ACER1: variants seen among roughly 807,000 people sequenced by gnomAD.
ACER1 encodes the protein alkaline ceramidase 1.
ACER1 carries 28 observed loss-of-function variants against 24.9 expected under a neutral mutation model. The ratio of observed to expected loss-of-function variants is 1.13; its 90% CI spans 0.83 to 1.54. The LOEUF is 1.54. Among genes scored for constraint, ACER1 ranks in the 40% most tolerant of loss-of-function variants. ACER1 has a pLI of 0.00. For synonymous variants in ACER1, 132 were observed against 131.4 expected, an observed-to-expected ratio of 1.00 and a Z score of -0.03; for missense variants, 352 against 349.3, an observed-to-expected ratio of 1.01 and a Z score of -0.06.
chr19:6,324,763 A>G (rs1304778198), intron 1 of ACER1, among the ~76,000 whole-genome samples: 1 of 151,234 alleles, frequency 6.6e-6, no homozygotes, highest in Non-Finnish European at 1.5e-5. Flanking sequence ...ACAAAATAAA[A>G]TAAAGAAAGA....
At chr19:6,334,919 G>A (rs1187260804), upstream of ACER1, among the ~76,000 whole-genome samples, 1 of 149,572 alleles carries the variant, frequency 6.7e-6, no homozygotes, top group East Asian at 1.9e-4. Context: ...AGCTGACCTT[G>A]AACTTTAAGT....
At chr19:6,315,790 C>T (rs1271895916) in intron 1 of ACER1, among the ~76,000 whole-genome samples, 1 of 152,154 alleles carries the variant, frequency 6.6e-6, no homozygotes, top group Non-Finnish European at 1.5e-5. Context: ...GCTGGGATTA[C>T]AGGCATGAGC....
intron 3 of ACER1, among the ~76,000 whole-genome samples, chr19:6,311,347 C>G (rs1448866167): frequency 1.3e-5 from 2 of 151,916 alleles, no homozygotes; most frequent in East Asian, 3.9e-4. Context: ...AGATCGAGAC[C>G]AGCCTGGCCA....
rs531659665 is a variant in ACER1 at position 6,321,643 on chromosome 19, CTG to C, written c.94-9146_94-9145del. 9.2e-3 allele frequency among the ~76,000 whole-genome samples: 1,399 copies of C among 152,094 alleles called. 8 individuals carry two copies. The highest frequency in any genetic ancestry group is 0.017 in the Middle Eastern group (5 of 294). On this transcript the variant is annotated intron_variant, in intron 1 of 5. Transcript: ENST00000301452. ...GTTTTGTTTGAGACAGAGTCTCACTCTGTTGCCCAGGCTGGGGTTCAGTGCGC... is the reference window on the plus strand; with the variant it reads ...GTTTTGTTTGAGACAGAGTCTCACTCTTGCCCAGGCTGGGGTTCAGTGCGC...
intron 1 of ACER1, among the ~76,000 whole-genome samples, chr19:6,322,290 G>A (rs1258645395): frequency 6.6e-6 from 1 of 152,222 alleles, no homozygotes; most frequent in African/African-American, 2.4e-5. Context: ...ACCCAGGTGC[G>A]TGGGGCTGAA....
chr19:6,359,832 TC>T, the ACER1 span, among the ~76,000 whole-genome samples: 1 of 152,090 alleles, frequency 6.6e-6, no homozygotes, highest in African/African-American at 2.4e-5. Context: ...GTTATCATTA[TC>T]CCCACTCTGC....
Position 6,312,246 on chromosome 19 carries a change from G to C in ACER1, c.253C>G (p.Gln85Glu). The change falls in exon 3 of 6, where the codon CAG (glutamine) becomes GAG (glutamate). Residue 85 changes from glutamine to glutamate, a missense_variant. Transcript: ENST00000301452. ...AGGATGGCGATCTCGTCCAGCAGCT[G>C]GCCCAGGAAGCTGAGCGTCATGTGG... ...YFHMTLSFLG[Q>E]LLDEIAILWL... 2 of 1,614,030 alleles carry C rather than the reference G, an allele frequency of 1.2e-6. No individual in the cohort carries two copies. Among genetic ancestry groups the C allele is most frequent in the East Asian group, 2.2e-5 (1 of 44,884 alleles).
the ACER1 span, among the ~76,000 whole-genome samples, chr19:6,355,404 A>ATCG: frequency 1.8e-4 from 18 of 100,160 alleles, no homozygotes; most frequent in East Asian, 1.2e-3. Flanking sequence ...CCGCGACCCC[A>ATCG]TCTGGGAGGT....
upstream of ACER1, chr19:6,333,688 G>A: frequency 1.5e-6 from 1 of 659,144 alleles, no homozygotes; most frequent in Non-Finnish European, 2.5e-6. Flanking sequence ...AACCTGCTGG[G>A]CCGCTCCCCA....
At chr19:6,348,556 G>GA in the ACER1 span, among the ~76,000 whole-genome samples, 6 of 151,808 alleles carry the variant, frequency 4.0e-5, no homozygotes, top group African/African-American at 1.5e-4. Flanking sequence ...TGATGAGAGG[G>GA]AAAAAATCTT....
chr19:6,320,478 A>G (rs1051843144), intron 1 of ACER1, among the ~76,000 whole-genome samples: 4 of 151,798 alleles, frequency 2.6e-5, no homozygotes, highest in African/African-American at 7.3e-5. Flanking sequence ...ACACCTGGCT[A>G]ATTTTTGTAT....
intron 1 of ACER1, among the ~76,000 whole-genome samples, chr19:6,325,515 A>G (rs2091656721): frequency 6.6e-6 from 1 of 152,146 alleles, no homozygotes; most frequent in Non-Finnish European, 1.5e-5. Flanking sequence ...TTAGCCAGCC[A>G]TGGTGGCAGG....
chr19:6,322,750 G>A lies in ACER1; in HGVS notation c.94-10251C>T, dbSNP rs564811430. ...ACAATTCCCGTGTGATTGAATTATC[G>A]GGGTGGGTCTGTCCTGCTCTGTTCT... is the stretch of plus-strand genomic sequence containing the variant. On this transcript the variant is annotated intron_variant, in intron 1 of 5. Coordinates refer to ENST00000301452, the MANE Select transcript of ACER1 (RefSeq NM_133492.3). Among the ~76,000 whole-genome samples the A allele has an allele frequency of 1.6e-4, 24 of 152,218 alleles. No homozygotes were observed. The South Asian group carries it at 1.9e-3, about 12-fold the overall frequency.
intron 1 of ACER1, among the ~76,000 whole-genome samples, chr19:6,321,710 C>T (rs2091632163): frequency 6.6e-6 from 1 of 151,878 alleles, no homozygotes; most frequent in Admixed American, 6.6e-5. Context: ...TGGGTTCAAG[C>T]GATTCTTCTG....
At chr19:6,350,568 C>T in the ACER1 span, among the ~76,000 whole-genome samples, 1 of 86,996 alleles carries the variant, frequency 1.1e-5, no homozygotes, top group South Asian at 4.1e-4. Context: ...AAGACTCCGT[C>T]TCAAGAAAAA....
intron 4 of ACER1, 21 bp downstream of exon 4, chr19:6,309,676 G>A (rs28666483): frequency 0.087 from 139,901 of 1,613,122 alleles, 6,353 homozygotes; most frequent in African/African-American, 0.11. Context: ...TCCTGCCCAG[G>A]CACCTGCAGC....
At chr19:6,345,305 T>C in the ACER1 span, among the ~76,000 whole-genome samples, 1 of 152,202 alleles carries the variant, frequency 6.6e-6, no homozygotes, top group African/African-American at 2.4e-5. Context: ...AATGCAGCAA[T>C]CTGCAAGCTT....
chr19:6,346,906 AG>A, the ACER1 span, among the ~76,000 whole-genome samples: 1 of 151,554 alleles, frequency 6.6e-6, no homozygotes, highest in Non-Finnish European at 1.5e-5. Flanking sequence ...GAGACCGAGG[AG>A]GGAAAAAAGG....
chr19:6,347,109 A>AAAAAAAAAAAAAAAAAAAAAT, the ACER1 span, among the ~76,000 whole-genome samples: 5 of 113,778 alleles, frequency 4.4e-5, no homozygotes, highest in African/African-American at 2.5e-4. Context: ...AAAAAAAAAA[A>AAAAAAAAAAAAAAAAAAAAAT]ATATATATAT....
Sources: allele counts gnomAD v4.1 joint callset (sites outside exome capture counted in the v4.1 genomes callset), GRCh38; gene constraint gnomAD v4.1.1; transcripts MANE v1.5; gene names NCBI Gene and HGNC (gene_info 2026-07-23, HGNC 2026-07-21).